Variants in SOWAHC observed in about 807,000 individuals in gnomAD.
The protein encoded by SOWAHC is sosondowah ankyrin repeat domain family member C.
Under a neutral mutation model 14.4 loss-of-function variants are expected in SOWAHC, and 12 were observed. That is an observed-to-expected ratio of 0.83 (90% CI 0.53 to 1.35). The LOEUF is 1.35. SOWAHC is among the 40% of genes most tolerant of loss of function. The pLI, the probability that SOWAHC is intolerant of heterozygous loss-of-function variation, is 0.00. For missense variants in SOWAHC, 771 were observed against 752.8 expected (o/e 1.02, Z -0.28); for synonymous variants, 398 against 347.0 (o/e 1.15, Z -1.63).
rs769910796 is a variant in SOWAHC, at chr2:109,614,702, C to CAA, written c.213_214insAA (p.Asp72LysfsTer29). The CAA allele has an allele frequency of 1.3e-6, 2 of 1,488,656 alleles. No individual in the cohort carries two copies. The highest frequency in any genetic ancestry group is 2.5e-5 in the South Asian group (2 of 79,696). The allele number at this position is 1,488,656 out of a possible 1,614,324, so 92.2% of individuals were successfully genotyped here. On this transcript the variant is annotated frameshift_variant, in exon 1 of 1. Coordinates refer to ENST00000356454, the MANE Select transcript of SOWAHC (RefSeq NM_023016.4). LOFTEE classifies it low-confidence loss of function (END_TRUNC). ...TGGCCACTGTGCGCGTCGATCCCGCCGACGGCGCCAAGTACGTGCACCTCA... is the reference window on the plus strand; with the variant it reads ...TGGCCACTGTGCGCGTCGATCCCGCCAAGACGGCGCCAAGTACGTGCACCTCA...
At position 109,615,580 on chromosome 2, in the gene SOWAHC, A is replaced by G. The variant is rs1254556793; in HGVS notation, c.1091A>G (p.Tyr364Cys). 1.9e-6 allele frequency: 3 copies of G among 1,613,968 alleles called. No individual in the cohort carries two copies. The highest frequency in any genetic ancestry group is 1.1e-5 in the South Asian group (1 of 91,090). ...GTGGTGAAGCTGCTGGTGGGGGCCT[A>G]CGACGCCGATGTGGACATCAGGGAC... is the stretch of plus-strand genomic sequence containing the variant. Reference protein sequence around the residue: ...VEVVKLLVGAYDADVDIRDYS... With the variant: ...VEVVKLLVGACDADVDIRDYS... Residue 364 changes from tyrosine (Y) to cysteine (C), a missense_variant, in exon 1 of 1, where the codon TAC becomes TGC. Physicochemically the swap from Tyr to Cys is radical, Grantham distance 194 (BLOSUM62 -2). Transcript: ENST00000356454.
In SOWAHC at chr2:109,615,021, C is replaced by G. The variant is rs560564064; in HGVS notation, c.532C>G (p.Leu178Val). The G allele has an allele frequency of 5.8e-6, 9 of 1,546,512 alleles. No individual in the cohort carries two copies. The South Asian group carries it at 6.0e-5, about 10-fold the overall frequency. Reference protein sequence around the residue: ...PAPGPSEDLELPPHGCEEADR... With the variant: ...PAPGPSEDLEVPPHGCEEADR... Reference sequence around the variant, plus strand: ...CCCGGGGCCCAGCGAGGACCTGGAGCTCCCGCCACATGGCTGCGAGGAGGC... The same window carrying G: ...CCCGGGGCCCAGCGAGGACCTGGAGGTCCCGCCACATGGCTGCGAGGAGGC... Residue 178 changes from leucine (L) to valine (V), a missense_variant, in exon 1 of 1, where the codon CTC becomes GTC. Coordinates refer to ENST00000356454, the MANE Select transcript of SOWAHC (RefSeq NM_023016.4).
rs762250968 is a variant in SOWAHC, at chr2:109,615,428, C to A, written c.939C>A (p.Gly313=). 6.2e-7 allele frequency: 1 copy of A among 1,613,100 alleles called. No homozygotes were observed. The highest frequency in any genetic ancestry group is 1.1e-5 in the South Asian group (1 of 91,090). ...FTCLHWAAKH[G]RQELLAMLVN... is the part of the protein sequence containing the mutation. ...GCCTGCACTGGGCCGCCAAGCACGG[C>A]AGGCAGGAGCTTCTGGCCATGCTAG... The change falls in exon 1 of 1, where the codon GGC becomes GGA. Residue 313 remains glycine (G), a synonymous_variant. Coordinates refer to ENST00000356454, the MANE Select transcript of SOWAHC (RefSeq NM_023016.4).
In SOWAHC at chr2:109,615,360, C is replaced by A. The variant is rs1464464676; in HGVS notation, c.871C>A (p.Pro291Thr). 1 of 1,612,786 alleles carries A rather than the reference C, an allele frequency of 6.2e-7. No individual in the cohort carries two copies. The highest frequency in any genetic ancestry group is 1.7e-5 in the Admixed American group (1 of 60,006). ...CCTGGAGGGCTTGCTCACCTGCGAG[C>A]CCGGCCTGCTGGTCAAGCGGGACTT... is the stretch of plus-strand genomic sequence containing the variant. ...DSLEGLLTCE[P>T]GLLVKRDFIT... Residue 291 changes from proline to threonine, a missense_variant, in exon 1 of 1, where the codon CCC (proline) becomes ACC (threonine). Coordinates refer to ENST00000356454, the MANE Select transcript of SOWAHC (RefSeq NM_023016.4).
In SOWAHC at chr2:109,614,401, T is replaced by C. The variant is rs566482097; in HGVS notation, c.-89T>C. The stretch of plus-strand genomic sequence containing the variant: ...TGGCAGCCCGCTGAGCCCGCCAGAC[T>C]CCGCCGCCGTCGGGAGCCGGCCGCT... On this transcript the variant is annotated 5_prime_UTR_variant, in exon 1 of 1. Coordinates refer to ENST00000356454, the MANE Select transcript of SOWAHC (RefSeq NM_023016.4). 967 of 1,015,910 alleles carry C rather than the reference T, an allele frequency of 9.5e-4. 8 individuals carry two copies. The African/African-American group carries it at 0.014, about 15-fold the overall frequency. The allele number at this position is 1,015,910 out of a possible 1,614,324, so 62.9% of individuals were successfully genotyped here.
In SOWAHC at chr2:109,614,912, C is replaced by A; in HGVS notation, c.423C>A (p.Ala141=). 1 of 1,459,360 alleles carries A rather than the reference C, an allele frequency of 6.9e-7. No homozygotes were observed. Among genetic ancestry groups the A allele is most frequent in the Non-Finnish European group, 9.0e-7 (1 of 1,115,112 alleles). 90.4% of individuals were successfully genotyped at this position (1,459,360 alleles called of 1,614,324 possible). The change falls in exon 1 of 1, where the codon GCC becomes GCA. Residue 141 remains alanine, a synonymous_variant. Coordinates refer to ENST00000356454, the MANE Select transcript of SOWAHC (RefSeq NM_023016.4). ...GRELGEGEPP[A]PAHWPPLSAG... Reference sequence around the variant, plus strand: ...AGCTGGGCGAGGGAGAGCCCCCCGCCCCCGCGCACTGGCCGCCCCTGAGCG... The same window carrying A: ...AGCTGGGCGAGGGAGAGCCCCCCGCACCCGCGCACTGGCCGCCCCTGAGCG...
At position 109,614,821 on chromosome 2, in the gene SOWAHC, G is replaced by A. The variant is rs761549715; in HGVS notation, c.332G>A (p.Gly111Glu). 1 of 1,438,246 alleles carries A rather than the reference G, an allele frequency of 7.0e-7. No individual in the cohort carries two copies. The highest frequency in any genetic ancestry group is 1.4e-5 in the South Asian group (1 of 72,646). The allele number at this position is 1,438,246 out of a possible 1,614,324, so 89.1% of individuals were successfully genotyped here. A position where few individuals can be genotyped will look rare whatever the true frequency, so the allele number is the denominator to read the frequency against. The change falls in exon 1 of 1, where the codon GGG (glycine) becomes GAG (glutamate). Residue 111 changes from glycine (G) to glutamate (E), a missense_variant. Gly to Glu is a moderately conservative substitution (Grantham distance 98). Transcript: ENST00000356454. ...AEPEAPDGPAGPEARDRLPDA... is the reference protein window; with the variant it reads ...AEPEAPDGPAEPEARDRLPDA... Reference sequence around the variant, plus strand: ...CCCGAGGCCCCCGACGGCCCTGCCGGGCCCGAGGCGCGCGATCGGCTCCCC... The same window carrying A: ...CCCGAGGCCCCCGACGGCCCTGCCGAGCCCGAGGCGCGCGATCGGCTCCCC...
At position 109,616,212 on chromosome 2, in the gene SOWAHC, A is replaced by G; in HGVS notation, c.*145A>G. 7.8e-7 allele frequency: 1 copy of G among 1,273,926 alleles called. No homozygotes were observed. The highest frequency in any genetic ancestry group is 1.0e-6 in the Non-Finnish European group (1 of 988,352). 78.9% of individuals were successfully genotyped at this position (1,273,926 alleles called of 1,614,324 possible). A position where few individuals can be genotyped will look rare whatever the true frequency, so the allele number is the denominator to read the frequency against. On this transcript the variant is annotated 3_prime_UTR_variant, in exon 1 of 1. Transcript: ENST00000356454. ...GAATGGATGGGGCGGAGTTCTCTTC[A>G]GGCTAGCCTTCTGGGAAAAGTGGAT... is the stretch of plus-strand genomic sequence containing the variant.
Position 109,616,871 on chromosome 2 carries a change from C to T in SOWAHC, c.*804C>T, listed in dbSNP as rs1700158509. The T allele has an allele frequency of 6.0e-6, 1 of 166,988 alleles. No homozygotes were observed. Among genetic ancestry groups the T allele is most frequent in the Non-Finnish European group, 1.5e-5 (1 of 68,096 alleles). The allele number at this position is 166,988 out of a possible 1,614,324, so 10.3% of individuals were successfully genotyped here. On this transcript the variant is annotated 3_prime_UTR_variant, in exon 1 of 1. Transcript: ENST00000356454. ...TATGATAGTTTTCAATAAAATGTTGCCTCTCTTTCGGATTCTCACTAACTT... is the reference window on the plus strand; with the variant it reads ...TATGATAGTTTTCAATAAAATGTTGTCTCTCTTTCGGATTCTCACTAACTT...
At position 109,615,818 on chromosome 2, in the gene SOWAHC, C is replaced by T; in HGVS notation, c.1329C>T (p.His443=). 11 of 1,614,182 alleles carry T rather than the reference C, an allele frequency of 6.8e-6. No homozygotes were observed. Among genetic ancestry groups the T allele is most frequent in the Non-Finnish European group, 9.3e-6 (11 of 1,180,044 alleles). ...GAGGGGACCATCACCACCATCACCA[C>T]TCGGCTGAGGGGTGGGTCGGAGGCA... is the stretch of plus-strand genomic sequence containing the variant. The part of the protein sequence containing the change: ...EDGGDHHHHH[H]SAEGWVGGKA... Residue 443 remains histidine (H), a synonymous_variant, in exon 1 of 1, where the codon CAC becomes CAT. Transcript: ENST00000356454.
rs1022810628 is a variant in SOWAHC at position 109,618,375 on chromosome 2, A to G, written c.*2308A>G. The G allele has an allele frequency of 3.6e-5, 6 of 167,100 alleles. No homozygotes were observed. The highest frequency in any genetic ancestry group is 1.3e-4 in the Admixed American group (2 of 15,290). The allele number at this position is 167,100 out of a possible 1,614,324, so 10.4% of individuals were successfully genotyped here. On this transcript the variant is annotated 3_prime_UTR_variant, in exon 1 of 1. Transcript: ENST00000356454. ...ACAGTCAGTATTATCTCTTAAATGT[A>G]TATGTTGGTCACTAATTGCACAAAA...
At position 109,614,762 on chromosome 2, in the gene SOWAHC, CG is replaced by C. The variant is rs1245579485; in HGVS notation, c.277del (p.Asp93ThrfsTer7). 6.8e-7 allele frequency: 1 copy of C among 1,478,492 alleles called. No homozygotes were observed. The highest frequency in any genetic ancestry group is 8.9e-7 in the Non-Finnish European group (1 of 1,119,704). 91.6% of individuals were successfully genotyped at this position (1,478,492 alleles called of 1,614,324 possible). A position where few individuals can be genotyped will look rare whatever the true frequency, so the allele number is the denominator to read the frequency against. ...TCTGTGAAGGGCCGTCCGAGCCCTC[CG>C]GGGACCCGCCGCGAATCCAGGTGAC... ...RFCEGPSEPS[G>X]DPPRIQVTAE... is the part of the protein sequence containing the mutation. On this transcript the variant is annotated frameshift_variant, in exon 1 of 1. Coordinates refer to ENST00000356454, the MANE Select transcript of SOWAHC (RefSeq NM_023016.4). LOFTEE classifies it low-confidence loss of function (END_TRUNC).
chr2:109,615,097 A>C lies in SOWAHC; in HGVS notation c.608A>C (p.Gln203Pro), dbSNP rs1409802189. The C allele has an allele frequency of 6.5e-7, 1 of 1,549,706 alleles. No individual in the cohort carries two copies. The highest frequency in any genetic ancestry group is 2.4e-5 in the East Asian group (1 of 40,902). ...VGATAQRPAR[Q>P]NLRDLVMGSS... is the part of the protein sequence containing the mutation. Reference sequence around the variant, plus strand: ...GCTACCGCACAGAGGCCGGCCCGCCAGAACCTCCGTGACCTGGTGATGGGC... The same window carrying C: ...GCTACCGCACAGAGGCCGGCCCGCCCGAACCTCCGTGACCTGGTGATGGGC... Residue 203 changes from glutamine to proline, a missense_variant, in exon 1 of 1, where the codon CAG (glutamine) becomes CCG (proline). Gln to Pro is a moderately conservative substitution (Grantham distance 76, BLOSUM62 -1). Transcript: ENST00000356454.
Position 109,618,621 on chromosome 2 carries a change from G to T in SOWAHC, c.*2554G>T, listed in dbSNP as rs1700178699. On this transcript the variant is annotated 3_prime_UTR_variant, in exon 1 of 1. Transcript: ENST00000356454. ...CATTCCTCTTATTTTTCAGTTTCCA[G>T]TCAAGATTATAAAAAGCAAATGATT... The T allele has an allele frequency of 6.0e-6, 1 of 166,830 alleles. No individual in the cohort carries two copies. Among genetic ancestry groups the T allele is most frequent in the African/African-American group, 2.4e-5 (1 of 41,388 alleles). 10.3% of individuals were successfully genotyped at this position (166,830 alleles called of 1,614,324 possible). A position where few individuals can be genotyped will look rare whatever the true frequency, so the allele number is the denominator to read the frequency against.
In SOWAHC at chr2:109,617,615, G is replaced by C. The variant is rs903424948; in HGVS notation, c.*1548G>C. On this transcript the variant is annotated 3_prime_UTR_variant, in exon 1 of 1. Coordinates refer to ENST00000356454, the MANE Select transcript of SOWAHC (RefSeq NM_023016.4). Reference sequence around the variant, plus strand: ...CAGGATAAGGAAGTTCACAGCCTGCGGGGTGAATGAACCCATGTGTGAACT... The same window carrying C: ...CAGGATAAGGAAGTTCACAGCCTGCCGGGTGAATGAACCCATGTGTGAACT... 2 of 167,000 alleles carry C rather than the reference G, an allele frequency of 1.2e-5. No homozygotes were observed. The highest frequency in any genetic ancestry group is 4.8e-5 in the African/African-American group (2 of 41,440). The allele number at this position is 167,000 out of a possible 1,614,324, so 10.3% of individuals were successfully genotyped here.
rs1046646 is a variant in SOWAHC, at chr2:109,618,479, C to T, written c.*2412C>T. 1 of 166,984 alleles carries T rather than the reference C, an allele frequency of 6.0e-6. No homozygotes were observed. Among genetic ancestry groups the T allele is most frequent in the Admixed American group, 6.5e-5 (1 of 15,272 alleles). The allele number at this position is 166,984 out of a possible 1,614,324, so 10.3% of individuals were successfully genotyped here. ...TTTCCCACTGAAGGCTTTAACTTTT[C>T]TGATAAAATAATATTTTAAATTTTC... On this transcript the variant is annotated 3_prime_UTR_variant, in exon 1 of 1. Transcript: ENST00000356454.
chr2:109,618,744 A>T lies in SOWAHC; in HGVS notation c.*2677A>T, dbSNP rs188392467. 6.0e-6 allele frequency: 1 copy of T among 167,146 alleles called. No homozygotes were observed. Among genetic ancestry groups the T allele is most frequent in the East Asian group, 1.9e-4 (1 of 5,186 alleles). The allele number at this position is 167,146 out of a possible 1,614,324, so 10.4% of individuals were successfully genotyped here. Reference sequence around the variant, plus strand: ...TTGATATGAGACTATGTGGTTAAAAAACCCAAGTATGTCCATGTGTTTCTT... The same window carrying T: ...TTGATATGAGACTATGTGGTTAAAATACCCAAGTATGTCCATGTGTTTCTT... On this transcript the variant is annotated 3_prime_UTR_variant, in exon 1 of 1. Transcript: ENST00000356454.
rs1190210774 is a variant in SOWAHC, at chr2:109,614,970, G to T, written c.481G>T (p.Val161Leu). The T allele has an allele frequency of 3.3e-6, 5 of 1,536,638 alleles. No individual in the cohort carries two copies. Among genetic ancestry groups the T allele is most frequent in the Non-Finnish European group, 2.6e-6 (3 of 1,145,004 alleles). The change falls in exon 1 of 1, where the codon GTG becomes TTG. Residue 161 changes from valine to leucine, a missense_variant. Coordinates refer to ENST00000356454, the MANE Select transcript of SOWAHC (RefSeq NM_023016.4). The part of the protein sequence containing the change: ...GARRKNSRRD[V>L]QPLPRTPAPG... ...TCGCAGGAAGAACTCGCGGCGCGACGTGCAGCCCCTACCGCGGACTCCAGC... is the reference window on the plus strand; with the variant it reads ...TCGCAGGAAGAACTCGCGGCGCGACTTGCAGCCCCTACCGCGGACTCCAGC...
In SOWAHC at chr2:109,616,119, T is replaced by C. The variant is rs771698451; in HGVS notation, c.*52T>C. On this transcript the variant is annotated 3_prime_UTR_variant, in exon 1 of 1. Coordinates refer to ENST00000356454, the MANE Select transcript of SOWAHC (RefSeq NM_023016.4). ...GGTTTATTTGTCTTAATAAATTGAA[T>C]ACTAGGTGTTGTAAGGAAGTGAGAC... The C allele has an allele frequency of 2.6e-5, 37 of 1,437,220 alleles. No individual in the cohort carries two copies. The highest frequency in any genetic ancestry group is 3.3e-5 in the Non-Finnish European group (36 of 1,095,878). 89.0% of individuals were successfully genotyped at this position (1,437,220 alleles called of 1,614,324 possible). A position where few individuals can be genotyped will look rare whatever the true frequency, so the allele number is the denominator to read the frequency against.
Sources: gnomAD v4.1 joint callset for allele counts on GRCh38, gnomAD v4.1.1 for gene constraint, MANE v1.5 for transcripts, NCBI Gene and HGNC (gene_info 2026-07-23, HGNC 2026-07-21) for gene names.